The following SLC49A4 variants were observed in gnomAD, a reference collection of about 807,000 sequenced individuals.
SLC49A4 encodes disrupted in renal cancer protein 2.
A neutral mutation model predicts 50.6 loss-of-function variants in SLC49A4; 36 were observed. The observed-to-expected ratio is 0.71, with a 90% CI of 0.55 to 0.94. The LOEUF (loss-of-function observed/expected upper bound fraction) is 0.94, where lower values mean the gene tolerates loss of function less well. Among genes scored for constraint, SLC49A4 ranks in the 40% least tolerant of loss-of-function variants. The pLI is 0.00. For synonymous variants in SLC49A4, 248 were observed against 241.2 expected (o/e 1.03, Z -0.26); for missense variants, 503 against 605.7 (o/e 0.83, Z 1.78).
At chr3:122,800,012 T>C (rs965999015) in intron 1 of SLC49A4, among the ~76,000 whole-genome samples, 2 of 152,186 alleles carry the variant, frequency 1.3e-5, no homozygotes, top group African/African-American at 4.8e-5. Flanking sequence ...AAACTGTCAA[T>C]TGGATATACA....
At chr3:122,821,955 T>G (rs1241381961) in intron 2 of SLC49A4, among the ~76,000 whole-genome samples, 1 of 152,158 alleles carries the variant, frequency 6.6e-6, no homozygotes, top group East Asian at 1.9e-4. Context: ...TTTGTGAAGT[T>G]TTGGAAACAC....
At chr3:122,873,402 G>A (rs1234168758) in intron 8 of SLC49A4, among the ~76,000 whole-genome samples, 1 of 151,978 alleles carries the variant, frequency 6.6e-6, no homozygotes, top group Non-Finnish European at 1.5e-5. Context: ...CTGGTCTGGA[G>A]CTCCTGACCT....
At chr3:122,831,491 T>C (rs1203289943) in intron 3 of SLC49A4, among the ~76,000 whole-genome samples, 1 of 152,110 alleles carries the variant, frequency 6.6e-6, no homozygotes, top group Admixed American at 6.5e-5. Context: ...GAGAACATTA[T>C]GCAAAGTGAA....
At chr3:122,857,345 A>C (rs16833588) in intron 6 of SLC49A4, among the ~76,000 whole-genome samples, 3 of 150,888 alleles carry the variant, frequency 2.0e-5, no homozygotes, top group African/African-American at 7.3e-5. Flanking sequence ...GCAACTGCCT[A>C]TAAAACTATT....
rs566434432 is a variant in SLC49A4 at position 122,838,342 on chromosome 3, A to G, written c.833+4896A>G. ...CAACGATAGACTGGATTAAGAAAATATGGCACATATACACCATGGAATACT... is the reference window on the plus strand; with the variant it reads ...CAACGATAGACTGGATTAAGAAAATGTGGCACATATACACCATGGAATACT... On this transcript the variant is annotated intron_variant, in intron 4 of 8. Transcript: ENST00000261038. Among the ~76,000 whole-genome samples the G allele has an allele frequency of 1.3e-3, 196 of 152,068 alleles. 4 individuals are homozygous for G. In the Middle Eastern group the frequency reaches 0.02, roughly 16 times the overall value.
At chr3:122,823,640 T>C (rs1177036031) in intron 2 of SLC49A4, among the ~76,000 whole-genome samples, 1 of 152,248 alleles carries the variant, frequency 6.6e-6, no homozygotes, top group East Asian at 1.9e-4. Flanking sequence ...TTTATAATTA[T>C]TTTATTTCCT....
intron 2 of SLC49A4, among the ~76,000 whole-genome samples, chr3:122,824,364 C>G (rs1008594649): frequency 1.3e-5 from 2 of 152,128 alleles, no homozygotes; most frequent in African/African-American, 4.8e-5. Flanking sequence ...ATGTTCTGGT[C>G]TAAGAGTCAA....
At position 122,845,859 on chromosome 3, in the gene SLC49A4, G is replaced by A. The variant is rs774841861; in HGVS notation, c.930G>A (p.Ala310=). 37 of 1,606,956 alleles carry A rather than the reference G, an allele frequency of 2.3e-5. No individual in the cohort carries two copies. The highest frequency in any genetic ancestry group is 2.6e-5 in the Non-Finnish European group (31 of 1,175,594). The change falls in exon 5 of 9, where the codon GCG becomes GCA. Residue 310 remains alanine (A), a synonymous_variant. Coordinates refer to ENST00000261038, the MANE Select transcript of SLC49A4 (RefSeq NM_032839.3). ...SGVLDLILTP[A]HVSQVDAGWI... The stretch of plus-strand genomic sequence containing the variant: ...TTCTGGACTTAATTTTAACACCAGC[G>A]CATGTCAGCCAAGTAAGTATTTTAT...
chr3:122,799,325 T>C (rs577261155), intron 1 of SLC49A4, among the ~76,000 whole-genome samples: 117 of 152,176 alleles, frequency 7.7e-4, no homozygotes, highest in Non-Finnish European at 1.4e-3. Context: ...GTGTCACTGA[T>C]AAGGTGTATT....
intron 1 of SLC49A4, among the ~76,000 whole-genome samples, chr3:122,799,780 T>C (rs1936104818): frequency 6.6e-6 from 1 of 152,216 alleles, no homozygotes; most frequent in South Asian, 2.1e-4. Context: ...ATTGCAGATA[T>C]GTGTCGAAAG....
intron 4 of SLC49A4, among the ~76,000 whole-genome samples, chr3:122,834,869 G>A (rs929375477): frequency 5.3e-5 from 8 of 151,994 alleles, no homozygotes; most frequent in Non-Finnish European, 8.8e-5. Context: ...AAATGGAGAC[G>A]TTACAGTCAA....
chr3:122,860,287 C>T, intron 7 of SLC49A4, 85 bp downstream of exon 7: 1 of 1,284,410 alleles, frequency 7.8e-7, no homozygotes, highest in Non-Finnish European at 1.0e-6. Flanking sequence ...CTTCTTCTTG[C>T]TTTCTGTAAG....
In SLC49A4 at chr3:122,859,081, G is replaced by A. The variant is rs1035366114; in HGVS notation, c.1011-994G>A. On this transcript the variant is annotated intron_variant, in intron 6 of 8. Coordinates refer to ENST00000261038, the MANE Select transcript of SLC49A4 (RefSeq NM_032839.3). ...AATGCAAAAACAAGAGTTTCCAATA[G>A]AGAAAGTGCTATGAAGAAATAAAAT... Among the ~76,000 whole-genome samples, 5 of 152,178 alleles carry A rather than the reference G, an allele frequency of 3.3e-5. No individual in the cohort carries two copies. The East Asian group carries it at 5.8e-4, about 18-fold the overall frequency.
At chr3:122,856,836 CA>C (rs11375250) in intron 6 of SLC49A4, among the ~76,000 whole-genome samples, 2,457 of 71,014 alleles carry the variant, frequency 0.035, 16 homozygotes, top group Non-Finnish European at 0.046. Context: ...GACTCCATCT[CA>C]AAAAAAAAAA....
intron 1 of SLC49A4, among the ~76,000 whole-genome samples, chr3:122,800,897 A>G (rs1279029309): frequency 1.3e-5 from 2 of 152,210 alleles, no homozygotes; most frequent in Admixed American, 6.5e-5. Flanking sequence ...AAAATGGAGA[A>G]CACATGGTTT....
intron 6 of SLC49A4, among the ~76,000 whole-genome samples, chr3:122,858,454 G>A (rs1314434834): frequency 6.6e-6 from 1 of 152,132 alleles, no homozygotes; most frequent in African/African-American, 2.4e-5. Context: ...GGAATATTTT[G>A]TAAAGCTGTG....
At chr3:122,848,081 A>G (rs910567389) in intron 5 of SLC49A4, among the ~76,000 whole-genome samples, 5 of 152,010 alleles carry the variant, frequency 3.3e-5, no homozygotes, top group African/African-American at 9.7e-5. Context: ...GAGCATTTCT[A>G]TCATCAAAGA....
intron 7 of SLC49A4, among the ~76,000 whole-genome samples, chr3:122,870,356 T>TA (rs934948541): frequency 4.7e-5 from 7 of 150,378 alleles, no homozygotes; most frequent in Admixed American, 2.6e-4. Context: ...AATTTTTATT[T>TA]AAAAAAAAAC....
chr3:122,848,691 G>T (rs1370801326), intron 5 of SLC49A4, among the ~76,000 whole-genome samples: 6 of 146,120 alleles, frequency 4.1e-5, no homozygotes, highest in Non-Finnish European at 7.6e-5. Flanking sequence ...TTTTAAAATT[G>T]ATATGTAATT....
Sources: allele counts gnomAD v4.1 joint callset (sites outside exome capture counted in the v4.1 genomes callset), GRCh38; gene constraint gnomAD v4.1.1; transcripts MANE v1.5; gene names NCBI Gene and HGNC (gene_info 2026-07-23, HGNC 2026-07-21).